The following DPP8 variants were observed in gnomAD, a reference collection of about 807,000 sequenced individuals.
DPP8 encodes the protein DPP VIII.
A neutral mutation model predicts 107.5 loss-of-function variants in DPP8; 31 were observed. The ratio of observed to expected loss-of-function variants is 0.29; its 90% CI spans 0.22 to 0.39. The LOEUF (loss-of-function observed/expected upper bound fraction) is 0.39, where lower values mean the gene tolerates loss of function less well. DPP8 is among the 10% of genes least tolerant of loss of function. The pLI, the probability that DPP8 is intolerant of heterozygous loss-of-function variation, is 1.00. For missense variants in DPP8, 842 were observed against 1,076.1 expected, an observed-to-expected ratio of 0.78 and a Z score of 3.04; for synonymous variants, 381 against 356.6, an observed-to-expected ratio of 1.07 and a Z score of -0.77.
chr15:65,463,734 T>A, intron 15 of DPP8, 27 bp downstream of exon 15: 1 of 1,564,948 alleles, frequency 6.4e-7, no homozygotes, highest in Non-Finnish European at 8.8e-7. Context: ...TATGGGTGTA[T>A]GTATATATGT....
rs562677691 is a variant in DPP8 at position 65,477,861 on chromosome 15, C to A, written c.1456+1019G>T. Among the ~76,000 whole-genome samples, 205 of 152,164 alleles carry A rather than the reference C, an allele frequency of 1.3e-3. 1 individual carries two copies. The highest frequency in any genetic ancestry group is 4.7e-3 in the African/African-American group (196 of 41,520). On this transcript the variant is annotated intron_variant, in intron 11 of 19. Coordinates refer to ENST00000300141, the MANE Select transcript of DPP8 (RefSeq NM_130434.5). ...TCCACAATTATTAAAAAGGACCATG[C>A]CAAATCTGTTAAGTTACAAATGGCA... is the stretch of plus-strand genomic sequence containing the variant.
At position 65,485,096 on chromosome 15, in the gene DPP8, T is replaced by C. The variant is rs1420295666; in HGVS notation, c.1017+3A>G. The C allele has an allele frequency of 6.2e-7, 1 of 1,606,392 alleles. No individual in the cohort carries two copies. The highest frequency in any genetic ancestry group is 8.5e-7 in the Non-Finnish European group (1 of 1,172,952). The stretch of plus-strand genomic sequence containing the variant: ...GAAGGTCAACTCAGCATTTTATACT[T>C]ACCCTTCCTTCAGCATCAATCATTA... On this transcript the variant is annotated splice_donor_region_variant and intron_variant, in intron 8 of 19. Transcript: ENST00000300141.
intron 19 of DPP8, 68 bp downstream of exon 19, chr15:65,450,931 T>C (rs2140329851): frequency 3.0e-6 from 3 of 1,007,564 alleles, no homozygotes; most frequent in Non-Finnish European, 4.6e-6. Flanking sequence ...ACCCCACAGC[T>C]AATAGATTTC....
At chr15:65,455,762 AAGG>A in intron 16 of DPP8, 1 of 1,285,958 alleles carries the variant, frequency 7.8e-7, no homozygotes, top group Non-Finnish European at 1.0e-6. Context: ...TACTGTGCAA[AAGG>A]AACATCGGAT....
At chr15:65,511,677 C>A (rs1395160824) in intron 2 of DPP8, among the ~76,000 whole-genome samples, 2 of 145,942 alleles carry the variant, frequency 1.4e-5, no homozygotes, top group East Asian at 4.0e-4. Flanking sequence ...ATGACATGAA[C>A]TCATGCAGAC....
chr15:65,505,486 G>A (rs1208006025), intron 3 of DPP8, among the ~76,000 whole-genome samples: 1 of 152,094 alleles, frequency 6.6e-6, no homozygotes. Flanking sequence ...ACTTTTGTAT[G>A]CTTTAAAAAT....
chr15:65,516,509 T>C (rs964346211), intron 1 of DPP8: 3 of 151,194 alleles, frequency 2.0e-5, no homozygotes, highest in Non-Finnish European at 4.4e-5. Context: ...ATAGCCCAAG[T>C]AGGTGATGAA....
chr15:65,463,917 G>C lies in DPP8; in HGVS notation c.1826-11C>G. ...AGTCAGGAAGAGGACCTGTGAATAG[G>C]TAACATAACAGAGTCTACAAAAGAG... is the stretch of plus-strand genomic sequence containing the variant. On this transcript the variant is annotated splice_polypyrimidine_tract_variant and intron_variant, in intron 14 of 19. Transcript: ENST00000300141. 1 of 1,545,674 alleles carries C rather than the reference G, an allele frequency of 6.5e-7. No homozygotes were observed.
At chr15:65,492,325 G>C (rs2068119203) in intron 5 of DPP8, among the ~76,000 whole-genome samples, 1 of 152,056 alleles carries the variant, frequency 6.6e-6, no homozygotes, top group Admixed American at 6.6e-5. Flanking sequence ...CTGGGTGACA[G>C]AGTGAGACCA....
intron 1 of DPP8, chr15:65,516,039 CCAGA>C (rs1288401872): frequency 1.0e-5 from 4 of 392,528 alleles, no homozygotes; most frequent in South Asian, 1.2e-4. Context: ...ACTTTGGTGT[CCAGA>C]CAAAGGAAAA....
At chr15:65,515,891 C>A (rs991297046) in intron 1 of DPP8, 2 of 544,598 alleles carry the variant, frequency 3.7e-6, no homozygotes, top group Admixed American at 3.5e-5. Flanking sequence ...AAAACTGATA[C>A]CAAAATATCA....
chr15:65,515,719 G>A (rs111721622), intron 1 of DPP8: 14 of 1,611,002 alleles, frequency 8.7e-6, no homozygotes, highest in Non-Finnish European at 1.2e-5. Flanking sequence ...CAAGTGACTC[G>A]ACTTCAAGCA....
chr15:65,457,358 AAAAC>A (rs1232592540), intron 15 of DPP8, among the ~76,000 whole-genome samples: 4 of 152,124 alleles, frequency 2.6e-5, no homozygotes, highest in East Asian at 3.9e-4. Context: ...TCTGTCTCAA[AAAAC>A]AAACAAAAAA....
chr15:65,488,424 C>T (rs1335252506), intron 6 of DPP8, among the ~76,000 whole-genome samples: 5 of 151,460 alleles, frequency 3.3e-5, no homozygotes, highest in Non-Finnish European at 4.4e-5. Flanking sequence ...CTGGGCAACA[C>T]GGCAATACCC....
chr15:65,448,834 T>A (rs1293963698), intron 19 of DPP8, among the ~76,000 whole-genome samples: 1 of 129,336 alleles, frequency 7.7e-6, no homozygotes, highest in Admixed American at 8.6e-5. Flanking sequence ...AGTATACATA[T>A]ATAATATATA....
Position 65,474,247 on chromosome 15 carries a change from T to C in DPP8, c.1498A>G (p.Ser500Gly), listed in dbSNP as rs773330139. The C allele has an allele frequency of 4.4e-5, 71 of 1,612,884 alleles. No individual in the cohort carries two copies. Among genetic ancestry groups the C allele is most frequent in the East Asian group, 2.7e-4 (12 of 44,874 alleles). ...CGGCCAAGAACTTCCCATTCACCAC[T>C]GGTAATTGCTATCTCCTCTTTGATA... The part of the protein sequence containing the change: ...CPIKEEIAIT[S>G]GEWEVLGRHG... Residue 500 changes from serine to glycine, a missense_variant, in exon 12 of 20, where the codon AGT becomes GGT. Transcript: ENST00000300141.
At chr15:65,514,026 A>T (rs1370162372) in intron 1 of DPP8, among the ~76,000 whole-genome samples, 1 of 152,160 alleles carries the variant, frequency 6.6e-6, no homozygotes, top group Admixed American at 6.5e-5. Context: ...TGTACATTTA[A>T]TATATCTTTT....
At chr15:65,447,060 ATCT>A (rs1227763422) in intron 19 of DPP8, 54 bp from the exon 20 acceptor site, 12 of 1,387,380 alleles carry the variant, frequency 8.6e-6, no homozygotes, top group South Asian at 1.4e-5. Flanking sequence ...TTAGTAATAC[ATCT>A]TCTTCCAAAG....
At chr15:65,479,473 GGAA>G (rs1311235194) in intron 10 of DPP8, among the ~76,000 whole-genome samples, 23 of 152,172 alleles carry the variant, frequency 1.5e-4, no homozygotes, top group African/African-American at 4.8e-4. Context: ...TATTCAGCTA[GGAA>G]GTGAGATGGC....
Sources: gnomAD v4.1 joint callset for allele counts (sites outside exome capture counted in the v4.1 genomes callset) on GRCh38, gnomAD v4.1.1 for gene constraint, MANE v1.5 for transcripts, NCBI Gene and HGNC (gene_info 2026-07-23, HGNC 2026-07-21) for gene names.